SYT14: variants seen among roughly 807,000 people sequenced by gnomAD.
The protein encoded by SYT14 is synaptotagmin-14.
In SYT14, 32 loss-of-function variants were observed where a neutral mutation model predicts 74.2. The ratio of observed to expected loss-of-function variants is 0.43; its 90% CI spans 0.33 to 0.58. The LOEUF is 0.58. SYT14 is among the 20% of genes least tolerant of loss of function. SYT14 has a pLI of 0.05. For missense variants in SYT14, 791 were observed against 981.8 expected, an observed-to-expected ratio of 0.81 and a Z score of 2.60; for synonymous variants, 298 against 337.7, an observed-to-expected ratio of 0.88 and a Z score of 1.29.
At chr1:210,107,648 A>G (rs1176173448) in intron 7 of SYT14, among the ~76,000 whole-genome samples, 1 of 152,186 alleles carries the variant, frequency 6.6e-6, no homozygotes, top group Non-Finnish European at 1.5e-5. Flanking sequence ...TTAGAAAATA[A>G]TCAGCAAGGA....
intron 5 of SYT14, among the ~76,000 whole-genome samples, chr1:210,080,740 A>C (rs2081601189): frequency 6.6e-6 from 1 of 152,144 alleles, no homozygotes. Flanking sequence ...GTTAATGTTA[A>C]ATGTTAACAT....
chr1:210,038,159 T>C (rs1378707198), intron 5 of SYT14, among the ~76,000 whole-genome samples: 1 of 152,082 alleles, frequency 6.6e-6, no homozygotes, highest in Non-Finnish European at 1.5e-5. Flanking sequence ...CGCTTTATCA[T>C]TGTATAATGC....
At chr1:210,045,830 C>A (rs2080874093) in intron 5 of SYT14, among the ~76,000 whole-genome samples, 1 of 152,044 alleles carries the variant, frequency 6.6e-6, no homozygotes, top group South Asian at 2.1e-4. Context: ...TTTTATGTCA[C>A]TTTAGAACTT....
At chr1:209,987,283 C>A (rs1410489246) in intron 2 of SYT14, among the ~76,000 whole-genome samples, 3 of 152,140 alleles carry the variant, frequency 2.0e-5, no homozygotes, top group Non-Finnish European at 4.4e-5. Context: ...TTAGGCAATT[C>A]TTGTGTTGCT....
chr1:210,159,396 A>G (rs1469554685), intron 8 of SYT14, 25 bp from the exon 8 acceptor site: 5 of 1,550,310 alleles, frequency 3.2e-6, no homozygotes, highest in Admixed American at 3.9e-5. Flanking sequence ...TATTTCTTTT[A>G]CTGCTTTCCA....
chr1:209,995,269 G>A (rs2079767309), intron 2 of SYT14, among the ~76,000 whole-genome samples: 1 of 152,124 alleles, frequency 6.6e-6, no homozygotes, highest in Non-Finnish European at 1.5e-5. Flanking sequence ...TGTGACACCT[G>A]TAGGCGCAAA....
chr1:210,039,485 A>C (rs1231452689), intron 5 of SYT14, among the ~76,000 whole-genome samples: 4 of 152,190 alleles, frequency 2.6e-5, no homozygotes, highest in Non-Finnish European at 5.9e-5. Context: ...CAAAGATTTC[A>C]TGACTAAAAC....
chr1:210,157,803 G>A (rs1480787763), intron 8 of SYT14, among the ~76,000 whole-genome samples: 1 of 151,470 alleles, frequency 6.6e-6, no homozygotes. Flanking sequence ...TAAAGGAGGG[G>A]TAACTTTTTT....
At chr1:209,977,549 C>G (rs188125286) in intron 2 of SYT14, among the ~76,000 whole-genome samples, 3 of 152,298 alleles carry the variant, frequency 2.0e-5, no homozygotes, top group Admixed American at 2.0e-4. Context: ...TGTCTTCTGG[C>G]TTGTAGAGTT....
intron 1 of SYT14, among the ~76,000 whole-genome samples, chr1:209,945,907 A>T (rs944917816): frequency 6.6e-6 from 1 of 151,952 alleles, no homozygotes; most frequent in Admixed American, 6.6e-5. Flanking sequence ...GAATGAATCT[A>T]TTGGCACAAT....
chr1:210,156,002 C>T (rs1301347356), intron 8 of SYT14, 92 bp downstream of exon 7: 2 of 1,143,448 alleles, frequency 1.7e-6, no homozygotes, highest in East Asian at 5.1e-5. Flanking sequence ...TTAGTCTTAA[C>T]CAATCAAAAT....
chr1:209,970,194 T>A (rs1312397818), intron 2 of SYT14, among the ~76,000 whole-genome samples: 1 of 152,190 alleles, frequency 6.6e-6, no homozygotes, highest in Non-Finnish European at 1.5e-5. Context: ...TTTTATAGCT[T>A]CAGAATTTAC....
intron 7 of SYT14, among the ~76,000 whole-genome samples, chr1:210,128,565 C>A (rs2082615037): frequency 1.3e-5 from 2 of 152,054 alleles, no homozygotes; most frequent in Admixed American, 6.6e-5. Flanking sequence ...ATTAGAAATG[C>A]CACTCTTTAA....
At chr1:209,994,189 G>A (rs1479481135) in intron 2 of SYT14, among the ~76,000 whole-genome samples, 1 of 152,182 alleles carries the variant, frequency 6.6e-6, no homozygotes, top group Non-Finnish European at 1.5e-5. Flanking sequence ...TCAGAATCTG[G>A]ATAGAAGGGA....
intron 5 of SYT14, among the ~76,000 whole-genome samples, chr1:210,047,556 C>G (rs2142857): frequency 0.11 from 16,908 of 152,086 alleles, 1,221 homozygotes; most frequent in Non-Finnish European, 0.15. Flanking sequence ...TGCCACCACA[C>G]CCGGCTGATT....
chr1:209,953,181 T>A (rs191580219), intron 2 of SYT14: 2 of 1,288,090 alleles, frequency 1.6e-6, no homozygotes, highest in Admixed American at 4.6e-5. Flanking sequence ...CAACATCCTT[T>A]GACACCAACA....
intron 5 of SYT14, among the ~76,000 whole-genome samples, chr1:210,036,920 T>C (rs1442142045): frequency 6.6e-6 from 1 of 152,034 alleles, no homozygotes. Context: ...TGGTTGGCTT[T>C]GGTGTAAGGG....
At chr1:210,009,920 A>C (rs2080055107) in intron 2 of SYT14, among the ~76,000 whole-genome samples, 1 of 149,688 alleles carries the variant, frequency 6.7e-6, no homozygotes, top group African/African-American at 2.5e-5. Flanking sequence ...ATTAACCTCA[A>C]CTCTTCTTCT....
intron 7 of SYT14, among the ~76,000 whole-genome samples, chr1:210,152,373 T>A (rs551375420): frequency 3.3e-4 from 50 of 152,330 alleles, no homozygotes; most frequent in Non-Finnish European, 4.7e-4. Flanking sequence ...TAAAACATTT[T>A]AAAAAATTTT....
Sources: gnomAD v4.1 joint callset for allele counts (sites outside exome capture counted in the v4.1 genomes callset) on GRCh38, gnomAD v4.1.1 for gene constraint, MANE v1.5 for transcripts, NCBI Gene and HGNC (gene_info 2026-07-23, HGNC 2026-07-21) for gene names.